PRKCB: variants seen among roughly 807,000 people sequenced by gnomAD.
The protein encoded by PRKCB is protein kinase C beta.
Under a neutral mutation model 81.5 loss-of-function variants are expected in PRKCB, and 13 were observed. The observed-to-expected ratio is 0.16, with a 90% CI of 0.10 to 0.25. PRKCB has a LOEUF of 0.25. Among genes scored for constraint, PRKCB ranks in the 10% least tolerant of loss-of-function variants. The probability of loss-of-function intolerance (pLI) is 1.00; values close to 1 mark genes in which losing one functional copy is unlikely to be tolerated. For missense variants in PRKCB, 509 were observed against 875.7 expected, an observed-to-expected ratio of 0.58 and a Z score of 5.29; for synonymous variants, 335 against 321.4, an observed-to-expected ratio of 1.04 and a Z score of -0.45.
chr16:24,175,594 A>G (rs189676909), intron 12 of PRKCB, among the ~76,000 whole-genome samples: 5 of 151,874 alleles, frequency 3.3e-5, no homozygotes, highest in African/African-American at 9.7e-5. Context: ...CATTCTGTAG[A>G]GAGCATGATG....
chr16:23,944,875 T>C (rs1222896004), intron 2 of PRKCB, among the ~76,000 whole-genome samples: 1 of 152,244 alleles, frequency 6.6e-6, no homozygotes, highest in Admixed American at 6.5e-5. Flanking sequence ...AGGGAACATT[T>C]GATTGGTCTT....
At chr16:23,949,444 C>A (rs886510164) in intron 2 of PRKCB, among the ~76,000 whole-genome samples, 4 of 152,214 alleles carry the variant, frequency 2.6e-5, no homozygotes, top group Non-Finnish European at 5.9e-5. Flanking sequence ...GGTTGGCTAA[C>A]TGGCCAACCT....
chr16:24,167,987 C>A (rs73548543), intron 10 of PRKCB, among the ~76,000 whole-genome samples: 4,703 of 152,214 alleles, frequency 0.031, 255 homozygotes, highest in African/African-American at 0.11. Flanking sequence ...GTGGTAAGTA[C>A]CCAAGAAAGC....
chr16:24,041,767 T>A (rs1208545624), intron 5 of PRKCB, among the ~76,000 whole-genome samples: 1 of 151,998 alleles, frequency 6.6e-6, no homozygotes, highest in East Asian at 1.9e-4. Flanking sequence ...CTGAGGCGGC[T>A]GTATCACCTA....
rs966884781 is a variant in PRKCB, at chr16:23,908,140, G to A, written c.205+70734G>A. Among the ~76,000 whole-genome samples, 5 of 152,094 alleles carry A rather than the reference G, an allele frequency of 3.3e-5. No individual in the cohort carries two copies. In the East Asian group the frequency reaches 9.6e-4, roughly 29 times the overall value. ...AATCCCTGGGAGCTGGGGGAAGGAG[G>A]AAAACACAGAGAGGAGCTGGCTGAG... is the stretch of plus-strand genomic sequence containing the variant. On this transcript the variant is annotated intron_variant, in intron 2 of 16. Transcript: ENST00000643927.
chr16:23,911,418 A>G (rs1000920276), intron 2 of PRKCB, among the ~76,000 whole-genome samples: 1 of 151,826 alleles, frequency 6.6e-6, no homozygotes, highest in Admixed American at 6.6e-5. Flanking sequence ...ATGCGCTACC[A>G]TGCCTGGTCC....
chr16:23,904,809 A>G (rs1386894665), intron 2 of PRKCB, among the ~76,000 whole-genome samples: 1 of 152,180 alleles, frequency 6.6e-6, no homozygotes, highest in African/African-American at 2.4e-5. Context: ...TTTACATAAA[A>G]GGCACTTTTC....
chr16:23,881,298 G>A (rs1004674018), intron 2 of PRKCB, among the ~76,000 whole-genome samples: 3 of 149,970 alleles, frequency 2.0e-5, no homozygotes, highest in Admixed American at 1.3e-4. Context: ...TGTTGCCCAG[G>A]CTGAAGTGCG....
chr16:24,036,132 G>C (rs1192661727), intron 5 of PRKCB, among the ~76,000 whole-genome samples: 1 of 152,008 alleles, frequency 6.6e-6, no homozygotes, highest in Admixed American at 6.6e-5. Context: ...TATATTTTCT[G>C]CATGTCTAAA....
chr16:24,010,465 C>G (rs1295673782), intron 3 of PRKCB, among the ~76,000 whole-genome samples: 2 of 152,194 alleles, frequency 1.3e-5, no homozygotes, highest in Non-Finnish European at 2.9e-5. Context: ...AGGTCTCCCC[C>G]ACCCCACATC....
intron 10 of PRKCB, among the ~76,000 whole-genome samples, chr16:24,170,270 GATGA>G (rs781718925): frequency 4.7e-4 from 72 of 152,036 alleles, no homozygotes; most frequent in Non-Finnish European, 9.0e-4. Context: ...TGAATAGATA[GATGA>G]AATAAATAAC....
rs189429811 is a variant in PRKCB at position 24,201,580 on chromosome 16, C to T, written c.1863+10350C>T. Among the ~76,000 whole-genome samples the T allele has an allele frequency of 1.4e-3, 215 of 152,320 alleles. 1 individual carries two copies. The highest frequency in any genetic ancestry group is 3.9e-3 in the South Asian group (19 of 4,826). The stretch of plus-strand genomic sequence containing the variant: ...CCATCTCTAAGGGAATTGCTCACTG[C>T]ACCAGGGGGATGGAATGTGCTGATT... On this transcript the variant is annotated intron_variant, in intron 16 of 16. Transcript: ENST00000643927.
At chr16:24,172,594 T>C (rs1031433388) in intron 11 of PRKCB, among the ~76,000 whole-genome samples, 7 of 152,106 alleles carry the variant, frequency 4.6e-5, no homozygotes, top group Admixed American at 6.6e-5. Flanking sequence ...ACCTGTAATC[T>C]CAGTGTTTTG....
chr16:24,158,227 T>A (rs1967193525), intron 10 of PRKCB, among the ~76,000 whole-genome samples: 1 of 152,334 alleles, frequency 6.6e-6, no homozygotes, highest in Admixed American at 6.5e-5. Flanking sequence ...TTGAGTGAAA[T>A]GCTCCAATTT....
chr16:24,170,057 C>T (rs1270180693), intron 10 of PRKCB, among the ~76,000 whole-genome samples: 2 of 152,194 alleles, frequency 1.3e-5, no homozygotes, highest in African/African-American at 4.8e-5. Context: ...GCTGGGATTA[C>T]AGGCACGAGC....
chr16:24,075,705 T>C (rs1966168428), intron 5 of PRKCB, among the ~76,000 whole-genome samples: 1 of 152,216 alleles, frequency 6.6e-6, no homozygotes, highest in East Asian at 1.9e-4. Flanking sequence ...TACCTGACTT[T>C]TAGTTGCAAG....
At chr16:24,179,087 C>T (rs1280597430) in intron 12 of PRKCB, among the ~76,000 whole-genome samples, 2 of 152,178 alleles carry the variant, frequency 1.3e-5, no homozygotes, top group Non-Finnish European at 2.9e-5. Flanking sequence ...TGAACAACCC[C>T]AATGTAAAAT....
chr16:24,210,875 C>T (rs1187446050), intron 16 of PRKCB, among the ~76,000 whole-genome samples: 1 of 152,200 alleles, frequency 6.6e-6, no homozygotes, highest in Non-Finnish European at 1.5e-5. Flanking sequence ...GTTACAGTCT[C>T]GTTTGTTGCT....
intron 2 of PRKCB, among the ~76,000 whole-genome samples, chr16:23,900,535 C>A (rs1231881066): frequency 6.6e-6 from 1 of 152,144 alleles, no homozygotes; most frequent in Non-Finnish European, 1.5e-5. Flanking sequence ...AGGAGTACTA[C>A]TGTCATTAGT....
Sources: allele counts gnomAD v4.1 joint callset (sites outside exome capture counted in the v4.1 genomes callset), GRCh38; gene constraint gnomAD v4.1.1; transcripts MANE v1.5; gene names NCBI Gene and HGNC (gene_info 2026-07-23, HGNC 2026-07-21).